The following NEO1 variants were observed in gnomAD, a reference collection of about 807,000 sequenced individuals.
NEO1 encodes neogenin 1.
Under a neutral mutation model 159.7 loss-of-function variants are expected in NEO1, and 63 were observed. The observed-to-expected ratio is 0.39, with a 90% CI of 0.32 to 0.49. The LOEUF (loss-of-function observed/expected upper bound fraction) is 0.49, where lower values mean the gene tolerates loss of function less well. NEO1 is among the 20% of genes least tolerant of loss of function. The pLI is 0.85. For synonymous variants in NEO1, 633 were observed against 662.0 expected, an observed-to-expected ratio of 0.96 and a Z score of 0.67; for missense variants, 1,615 against 1,831.0, an observed-to-expected ratio of 0.88 and a Z score of 2.15.
intron 16 of NEO1, among the ~76,000 whole-genome samples, chr15:73,267,075 A>C (rs898371018): frequency 7.2e-5 from 11 of 152,130 alleles, no homozygotes; most frequent in African/African-American, 2.7e-4. Context: ...TGGCTAACAC[A>C]GTGAAACCCT....
At chr15:73,061,863 T>C (rs1444684414) in intron 1 of NEO1, among the ~76,000 whole-genome samples, 1 of 152,244 alleles carries the variant, frequency 6.6e-6, no homozygotes, top group African/African-American at 2.4e-5. Flanking sequence ...TGAGTGTGTA[T>C]AAATTTATGA....
intron 9 of NEO1, among the ~76,000 whole-genome samples, chr15:73,246,574 G>A (rs1439028098): frequency 3.3e-5 from 5 of 152,128 alleles, no homozygotes; most frequent in Non-Finnish European, 7.4e-5. Context: ...CCTGAGGCTG[G>A]CCTTGAGGCA....
intron 26 of NEO1, among the ~76,000 whole-genome samples, chr15:73,294,082 AT>A (rs2042263321): frequency 6.6e-6 from 1 of 152,218 alleles, no homozygotes; most frequent in Admixed American, 6.5e-5. Context: ...CCTCAGGATT[AT>A]TAAAATTAGG....
chr15:73,141,929 G>C (rs530852899), intron 5 of NEO1, among the ~76,000 whole-genome samples: 2 of 152,278 alleles, frequency 1.3e-5, no homozygotes, highest in East Asian at 1.9e-4. Flanking sequence ...GCGTTAACTG[G>C]AGAGGCACCA....
intron 1 of NEO1, among the ~76,000 whole-genome samples, chr15:73,089,763 TA>T (rs1159283231): frequency 1.3e-5 from 2 of 152,216 alleles, no homozygotes; most frequent in African/African-American, 4.8e-5. Context: ...AAATATACAT[TA>T]TTTTTTACTT....
chr15:73,154,209 T>A (rs1046512169), intron 5 of NEO1, among the ~76,000 whole-genome samples: 1 of 146,042 alleles, frequency 6.8e-6, no homozygotes, highest in African/African-American at 2.5e-5. Context: ...TAGTATTCTT[T>A]AAAAAAAAAA....
chr15:73,171,042 C>T (rs1319381666), intron 5 of NEO1, among the ~76,000 whole-genome samples: 2 of 151,706 alleles, frequency 1.3e-5, no homozygotes, highest in African/African-American at 4.8e-5. Flanking sequence ...CAGGGTTCTA[C>T]ATTTAACTGT....
intron 1 of NEO1, among the ~76,000 whole-genome samples, chr15:73,108,593 C>CA (rs35057813): frequency 6.6e-6 from 1 of 151,740 alleles, no homozygotes; most frequent in African/African-American, 2.4e-5. Flanking sequence ...CATGGCAAGA[C>CA]GGGTCATTTT....
Position 73,052,590 on chromosome 15 carries a change from A to G in NEO1, c.-86A>G. The G allele has an allele frequency of 1.2e-6, 1 of 856,570 alleles. No homozygotes were observed. Among genetic ancestry groups the G allele is most frequent in the Non-Finnish European group, 1.5e-6 (1 of 672,404 alleles). 53.1% of individuals were successfully genotyped at this position (856,570 alleles called of 1,614,324 possible). On this transcript the variant is annotated 5_prime_UTR_variant, in exon 1 of 29. Transcript: ENST00000261908. ...GGCCGCGGGAGCCGAGCTTGCAGCG[A>G]GGGACCGGCTGAGGCGCGCGGGAGG...
chr15:73,206,927 C>T (rs1596341356), intron 7 of NEO1, among the ~76,000 whole-genome samples: 1 of 152,134 alleles, frequency 6.6e-6, no homozygotes, highest in East Asian at 1.9e-4. Context: ...GATCATAGCT[C>T]ATTGCAGCTT....
intron 1 of NEO1, among the ~76,000 whole-genome samples, chr15:73,090,755 C>T (rs530357513): frequency 6.6e-6 from 1 of 152,178 alleles, no homozygotes; most frequent in Non-Finnish European, 1.5e-5. Flanking sequence ...ATGTTACCTC[C>T]TGTTCCTCGT....
chr15:73,298,302 A>G, intron 26 of NEO1, 46 bp from the exon 27 acceptor site: 1 of 1,607,930 alleles, frequency 6.2e-7, no homozygotes, highest in East Asian at 2.2e-5. Flanking sequence ...ACTGTCACAT[A>G]TTTAATGGCA....
At chr15:73,196,029 A>ACTGAATGGGT (rs2036515462) in intron 7 of NEO1, among the ~76,000 whole-genome samples, 2 of 152,116 alleles carry the variant, frequency 1.3e-5, no homozygotes, top group Admixed American at 1.3e-4. Context: ...TTTTTATTGG[A>ACTGAATGGGT]CTGAATGGGT....
At chr15:73,285,129 AT>A (rs909468288) in intron 23 of NEO1, among the ~76,000 whole-genome samples, 15 of 151,568 alleles carry the variant, frequency 9.9e-5, no homozygotes, top group Non-Finnish European at 1.6e-4. Flanking sequence ...TTCAAAGTAA[AT>A]TTTTTTTTAG....
chr15:73,248,296 T>TG (rs1245736617), intron 9 of NEO1, among the ~76,000 whole-genome samples: 2 of 152,206 alleles, frequency 1.3e-5, no homozygotes, highest in East Asian at 3.8e-4. Context: ...ATCATGCTCC[T>TG]GCTCATAATT....
chr15:73,201,441 C>A (rs568572414), intron 7 of NEO1, among the ~76,000 whole-genome samples: 1 of 151,948 alleles, frequency 6.6e-6, no homozygotes, highest in Admixed American at 6.6e-5. Context: ...TGTATGATTT[C>A]TGTTTATTTA....
Position 73,259,074 on chromosome 15 carries a change from C to G in NEO1, c.2203+198C>G, listed in dbSNP as rs1047095618. The G allele has an allele frequency of 1.2e-5, 6 of 509,408 alleles. No homozygotes were observed. In the Admixed American group the frequency reaches 1.9e-4, roughly 16 times the overall value. 31.6% of individuals were successfully genotyped at this position (509,408 alleles called of 1,614,324 possible). A position where few individuals can be genotyped will look rare whatever the true frequency, so the allele number is the denominator to read the frequency against. ...AGTGCCTTGTAGAGAACTGTCCTTT[C>G]AAGCAGAACTAGAGCAAATAAAAAT... On this transcript the variant is annotated intron_variant, in intron 14 of 28. Coordinates refer to ENST00000261908, the MANE Select transcript of NEO1 (RefSeq NM_002499.4).
chr15:73,225,611 C>T (rs932364972), intron 7 of NEO1, among the ~76,000 whole-genome samples: 1 of 152,100 alleles, frequency 6.6e-6, no homozygotes, highest in Non-Finnish European at 1.5e-5. Context: ...CCAGCTCCCA[C>T]GCAAACCAAA....
intron 7 of NEO1, among the ~76,000 whole-genome samples, chr15:73,204,192 TATC>T (rs770576521): frequency 6.6e-6 from 1 of 152,050 alleles, no homozygotes; most frequent in Non-Finnish European, 1.5e-5. Flanking sequence ...CTGTAATTCT[TATC>T]ATTATTCCTC....
Sources: allele counts gnomAD v4.1 joint callset (sites outside exome capture counted in the v4.1 genomes callset), GRCh38; gene constraint gnomAD v4.1.1; transcripts MANE v1.5; gene names NCBI Gene and HGNC (gene_info 2026-07-23, HGNC 2026-07-21).